TAF6: variants seen among roughly 807,000 people sequenced by gnomAD.
TAF6 encodes transcription initiation factor TFIID subunit 6.
A neutral mutation model predicts 73.5 loss-of-function variants in TAF6; 50 were observed. The observed-to-expected ratio is 0.68, with a 90% CI of 0.54 to 0.86. The LOEUF (loss-of-function observed/expected upper bound fraction) is 0.86, where lower values mean the gene tolerates loss of function less well. Among genes scored for constraint, TAF6 ranks in the 40% least tolerant of loss-of-function variants. The pLI is 0.00. For missense variants in TAF6, 768 were observed against 899.5 expected (o/e 0.85, Z 1.87); for synonymous variants, 424 against 376.7 (o/e 1.13, Z -1.45).
chr7:100,111,074 G>A, intron 10 of TAF6, 65 bp downstream of exon 10: 18 of 1,567,036 alleles, frequency 1.1e-5, no homozygotes, highest in Non-Finnish European at 1.6e-5. Flanking sequence ...TGTTTCCAGT[G>A]TGACTTCCCC....
intron 1 of TAF6, chr7:100,116,781 G>A (rs971076274): frequency 1.3e-5 from 2 of 152,084 alleles, no homozygotes; most frequent in Admixed American, 6.6e-5. Context: ...CATTCCTTCT[G>A]GCTGCTCCTT....
chr7:100,126,863 A>G, the TAF6 span: 27 of 154,684 alleles, frequency 1.7e-4, no homozygotes, highest in African/African-American at 6.0e-4. Flanking sequence ...GGGGTTGCGG[A>G]GCGGAGAACC....
intron 1 of TAF6, among the ~76,000 whole-genome samples, chr7:100,118,161 G>A (rs960172574): frequency 4.6e-5 from 7 of 151,948 alleles, no homozygotes; most frequent in Admixed American, 3.3e-4. Flanking sequence ...AGACCACCCT[G>A]GCCAACATGG....
chr7:100,112,195 C>T lies in TAF6; in HGVS notation c.633G>A (p.Arg211=), dbSNP rs1351824694. ...GCTCCACAGACAACTCGTGGATGCT[C>T]CGGGGCTTCAGTCGCAAGGGGGCCC... ...LEGAPLRLKP[R]SIHELSVEQQ... is the part of the protein sequence containing the mutation. Residue 211 remains arginine (R), a synonymous_variant, in exon 7 of 15, where the codon CGG becomes CGA. Transcript: ENST00000453269. 1 of 1,614,190 alleles carries T rather than the reference C, an allele frequency of 6.2e-7. No individual in the cohort carries two copies. Among genetic ancestry groups the T allele is most frequent in the Non-Finnish European group, 8.5e-7 (1 of 1,180,036 alleles).
At chr7:100,127,158 C>G in the TAF6 span, 1 of 533,718 alleles carries the variant, frequency 1.9e-6, no homozygotes, top group South Asian at 2.3e-5. This position sits in a 1 kb window ranked among gnomAD's most constrained non-coding sequence, Gnocchi z 4.6. Context: ...CGGAATGGGG[C>G]GGGGGCCGAG....
In TAF6 at chr7:100,114,253, T is replaced by C. The variant is rs780221705; in HGVS notation, c.-44A>G. On this transcript the variant is annotated 5_prime_UTR_variant, in exon 2 of 15. Transcript: ENST00000453269. ...CTCCCTGGAAGGATGAAGCCCCCGGTGGAGAGACGGAGACCCTGGCAGAGG... is the reference window on the plus strand; with the variant it reads ...CTCCCTGGAAGGATGAAGCCCCCGGCGGAGAGACGGAGACCCTGGCAGAGG... 5 of 1,613,562 alleles carry C rather than the reference T, an allele frequency of 3.1e-6. 1 individual carries two copies. In the Middle Eastern group the frequency reaches 4.9e-4, roughly 160 times the overall value.
At chr7:100,122,787 C>G (rs999672125), upstream of TAF6, 2 of 1,612,880 alleles carry the variant, frequency 1.2e-6, no homozygotes, top group African/African-American at 2.7e-5. Flanking sequence ...CTCTCAGGGT[C>G]AGAGTCAGAC....
intron 12 of TAF6, among the ~76,000 whole-genome samples, 159 bp downstream of exon 12, chr7:100,109,789 C>T (rs1214906570): frequency 1.3e-5 from 2 of 152,066 alleles, no homozygotes; most frequent in Non-Finnish European, 2.9e-5. Flanking sequence ...CTTACTCAGT[C>T]TAATCTCAGT....
In TAF6 at chr7:100,111,213, C is replaced by T. The variant is rs1365862248; in HGVS notation, c.1009G>A (p.Val337Met). The change falls in exon 10 of 15, where the codon GTG (valine) becomes ATG (methionine). Residue 337 changes from valine (V) to methionine (M), a missense_variant. Transcript: ENST00000453269. ...CTAAAATGCTTGCAGATCTGGGCCACCAGGCGGGCAGCAAAGTCTCGGAGT... is the reference window on the plus strand; with the variant it reads ...CTAAAATGCTTGCAGATCTGGGCCATCAGGCGGGCAGCAAAGTCTCGGAGT... The part of the protein sequence containing the change: ...WALRDFAARL[V>M]AQICKHFSTT... 1 of 1,614,200 alleles carries T rather than the reference C, an allele frequency of 6.2e-7. No homozygotes were observed. The highest frequency in any genetic ancestry group is 8.5e-7 in the Non-Finnish European group (1 of 1,180,040).
upstream of TAF6, chr7:100,122,483 A>G (rs755900140): frequency 6.2e-7 from 1 of 1,613,996 alleles, no homozygotes; most frequent in Non-Finnish European, 8.5e-7. Flanking sequence ...TTCCACAGAG[A>G]GACAAGGCTG....
Position 100,111,124 on chromosome 7 carries a change from G to C in TAF6, c.1083+15C>G. On this transcript the variant is annotated intron_variant, in intron 10 of 14. Transcript: ENST00000453269. ...CAGTGATGAAGCAAATGACGCTCAA[G>C]TTTTCCTGGCTCACCTTGGTGAAGG... 1 of 1,609,718 alleles carries C rather than the reference G, an allele frequency of 6.2e-7. No homozygotes were observed. The highest frequency in any genetic ancestry group is 8.5e-7 in the Non-Finnish European group (1 of 1,176,348).
chr7:100,122,493 G>A (rs1488606937), upstream of TAF6: 3 of 1,613,908 alleles, frequency 1.9e-6, no homozygotes, highest in African/African-American at 4.0e-5. Flanking sequence ...AGACAAGGCT[G>A]GAAGAGGCCT....
intron 10 of TAF6, 122 bp downstream of exon 10, chr7:100,111,017 G>T: frequency 1.6e-4 from 148 of 938,530 alleles, no homozygotes; most frequent in Non-Finnish European, 2.2e-4. Context: ...CAAGCCTCAA[G>T]ACCCTTAGAC....
At chr7:100,112,467 CT>C (rs1195331743) in intron 6 of TAF6, among the ~76,000 whole-genome samples, 2 of 152,198 alleles carry the variant, frequency 1.3e-5, no homozygotes, top group Non-Finnish European at 2.9e-5. Context: ...AATCCCAGCA[CT>C]TTGGGAGGCC....
the TAF6 span, among the ~76,000 whole-genome samples, chr7:100,125,777 C>T: frequency 2.0e-5 from 3 of 152,226 alleles, no homozygotes; most frequent in African/African-American, 7.2e-5. Context: ...GGCGCAGTGA[C>T]TCACACCTGT....
rs1797402550 is a variant in TAF6, at chr7:100,113,632, C to G, written c.381G>C (p.Leu127=). Residue 127 remains leucine, a synonymous_variant, in exon 4 of 15, where the codon CTG becomes CTC. Coordinates refer to ENST00000453269, the MANE Select transcript of TAF6 (RefSeq NM_139315.3). ...IINTPLPRVP[L]DVCLKAHWLS... ...TCCCCCAACCTTTGAGGCAGACGTCCAGGGGCACCCGGGGCAGAGGGGTAT... is the reference window on the plus strand; with the variant it reads ...TCCCCCAACCTTTGAGGCAGACGTCGAGGGGCACCCGGGGCAGAGGGGTAT... 1 of 1,613,972 alleles carries G rather than the reference C, an allele frequency of 6.2e-7. No individual in the cohort carries two copies. Among genetic ancestry groups the G allele is most frequent in the Non-Finnish European group, 8.5e-7 (1 of 1,180,006 alleles).
rs955344529 is a variant in TAF6, at chr7:100,107,446, G to A, written c.1834C>T (p.Pro612Ser). The change falls in exon 15 of 15, where the codon CCC (proline) becomes TCC (serine). Residue 612 changes from proline (P) to serine (S), a missense_variant. Around this residue, in one of 5 missense-constraint regions of TAF6, gnomAD observed 350 missense variants for 352.3 expected, o/e 0.99. Coordinates refer to ENST00000453269, the MANE Select transcript of TAF6 (RefSeq NM_139315.3). The part of the protein sequence containing the change: ...SVQKYIVVSL[P>S]PTGEGKGGPT... ...CCTCCTTTGCCCTCCCCTGTTGGGG[G>A]AAGTGAGACCACGATGTACTTCTGG... 1 of 1,612,536 alleles carries A rather than the reference G, an allele frequency of 6.2e-7. No individual in the cohort carries two copies. The highest frequency in any genetic ancestry group is 1.3e-5 in the African/African-American group (1 of 74,926).
upstream of TAF6, chr7:100,122,290 G>A (rs754578843): frequency 2.3e-5 from 37 of 1,613,918 alleles, no homozygotes; most frequent in African/African-American, 4.0e-5. Context: ...AGCTACAGGC[G>A]GAACTGAGTC....
intron 10 of TAF6, 81 bp from the exon 11 acceptor site, chr7:100,110,355 T>C (rs1226765276): frequency 1.4e-5 from 20 of 1,469,386 alleles, no homozygotes; most frequent in African/African-American, 2.8e-5. Context: ...ATAGACACTT[T>C]CCTTGTAAAT....
Sources: allele counts gnomAD v4.1 joint callset (sites outside exome capture counted in the v4.1 genomes callset), GRCh38; gene constraint gnomAD v4.1.1; regional missense constraint gnomAD v4.1.1; non-coding constraint Gnocchi (gnomAD v3.1); transcripts MANE v1.5; gene names NCBI Gene and HGNC (gene_info 2026-07-23, HGNC 2026-07-21).